PRKD1: variants seen among roughly 807,000 people sequenced by gnomAD.
PRKD1 encodes the protein protein kinase D1.
A neutral mutation model predicts 95.9 loss-of-function variants in PRKD1; 63 were observed. The ratio of observed to expected loss-of-function variants is 0.66; its 90% CI spans 0.54 to 0.81. The LOEUF (loss-of-function observed/expected upper bound fraction) is 0.81. Among genes scored for constraint, PRKD1 ranks in the 30% least tolerant of loss-of-function variants. The pLI is 0.00. For synonymous variants in PRKD1, 425 were observed against 423.1 expected (o/e 1.00, Z -0.05); for missense variants, 1,048 against 1,165.3 (o/e 0.90, Z 1.47).
chr14:29,826,700 CATATATACACATAT>C (rs1254307709), intron 1 of PRKD1, among the ~76,000 whole-genome samples: 2 of 28,738 alleles, frequency 7.0e-5, no homozygotes, highest in South Asian at 1.3e-3. Flanking sequence ...CATATATATA[CATATATACACATAT>C]ATATATACAT....
chr14:29,798,372 A>G (rs1455704236), intron 1 of PRKD1, among the ~76,000 whole-genome samples: 1 of 152,218 alleles, frequency 6.6e-6, no homozygotes, highest in Non-Finnish European at 1.5e-5. Context: ...GGCAATGTAT[A>G]CTTGCATCTG....
intron 1 of PRKD1, among the ~76,000 whole-genome samples, chr14:29,876,128 CAT>C (rs1404557287): frequency 6.6e-6 from 1 of 152,196 alleles, no homozygotes; most frequent in Non-Finnish European, 1.5e-5. Flanking sequence ...GAGGGAGAAA[CAT>C]ACTATATCTT....
At chr14:29,743,780 T>C (rs1887089917) in intron 1 of PRKD1, among the ~76,000 whole-genome samples, 1 of 152,208 alleles carries the variant, frequency 6.6e-6, no homozygotes. Context: ...GCCCTTCACA[T>C]TGCCAGCTTC....
chr14:29,692,887 A>C (rs1299596967), intron 2 of PRKD1, among the ~76,000 whole-genome samples: 3 of 152,206 alleles, frequency 2.0e-5, no homozygotes, highest in Non-Finnish European at 2.9e-5. Context: ...GTTGGCTAAT[A>C]TTGATTCATT....
intron 1 of PRKD1, among the ~76,000 whole-genome samples, chr14:29,743,513 A>C (rs1887076139): frequency 6.6e-6 from 1 of 152,312 alleles, no homozygotes; most frequent in Admixed American, 6.5e-5. Context: ...ATAGAACATA[A>C]AATTCACTAG....
intron 1 of PRKD1, among the ~76,000 whole-genome samples, chr14:29,759,220 TAAG>T (rs1445995989): frequency 2.6e-5 from 4 of 151,360 alleles, no homozygotes; most frequent in South Asian, 2.1e-4. Context: ...TGAGTGCTAG[TAAG>T]AAGAAGTATA....
chr14:29,764,921 T>C, intron 1 of PRKD1, among the ~76,000 whole-genome samples: 1 of 152,196 alleles, frequency 6.6e-6, no homozygotes, highest in Non-Finnish European at 1.5e-5. Flanking sequence ...TTAGGGGATC[T>C]AATAGGAGAT....
chr14:29,629,205 C>A, intron 10 of PRKD1, 112 bp from the exon 11 acceptor site: 1 of 758,406 alleles, frequency 1.3e-6, no homozygotes, highest in Non-Finnish European at 2.2e-6. Context: ...TTAACTAAAT[C>A]ATAGCAATTA....
intron 2 of PRKD1, among the ~76,000 whole-genome samples, chr14:29,690,560 T>G (rs139222302): frequency 6.6e-6 from 1 of 152,262 alleles, no homozygotes; most frequent in African/African-American, 2.4e-5. Context: ...TTACCTAAAT[T>G]TCTGCTTCAA....
chr14:29,654,049 T>TA (rs1195355135), intron 4 of PRKD1, among the ~76,000 whole-genome samples: 2 of 152,102 alleles, frequency 1.3e-5, no homozygotes, highest in African/African-American at 4.8e-5. Context: ...TCAGTAGAGT[T>TA]AAAAATGTAA....
Position 29,826,120 on chromosome 14 carries a change from G to C in PRKD1, c.265-100446C>G, listed in dbSNP as rs149829252. Among the ~76,000 whole-genome samples, 156 of 149,008 alleles carry C rather than the reference G, an allele frequency of 1.0e-3. 1 individual carries two copies. Among genetic ancestry groups the C allele is most frequent in the African/African-American group, 3.5e-3 (142 of 40,548 alleles). ...GAAACTGCGTGGTATGTGTGTGTGTGTCTCTCTCTATATATATATATGGAT... is the reference window on the plus strand; with the variant it reads ...GAAACTGCGTGGTATGTGTGTGTGTCTCTCTCTCTATATATATATATGGAT... On this transcript the variant is annotated intron_variant, in intron 1 of 17. Transcript: ENST00000331968.
intron 1 of PRKD1, among the ~76,000 whole-genome samples, chr14:29,791,064 G>A (rs189398046): frequency 6.6e-6 from 1 of 152,132 alleles, no homozygotes; most frequent in African/African-American, 2.4e-5. Flanking sequence ...AGACAGTAGG[G>A]GAAACTTCAA....
chr14:29,828,654 T>A (rs764585578), intron 1 of PRKD1, among the ~76,000 whole-genome samples: 151 of 152,172 alleles, frequency 9.9e-4, no homozygotes, highest in Admixed American at 2.0e-3. Flanking sequence ...ATAATACTGA[T>A]CTCAAGTGTT....
intron 16 of PRKD1, among the ~76,000 whole-genome samples, chr14:29,585,155 TG>T (rs1892876545): frequency 6.6e-6 from 1 of 152,210 alleles, no homozygotes; most frequent in African/African-American, 2.4e-5. Flanking sequence ...GATGGGAAGT[TG>T]TGTGTTTATT....
intron 1 of PRKD1, among the ~76,000 whole-genome samples, chr14:29,779,848 G>A (rs1888960095): frequency 6.6e-6 from 1 of 152,106 alleles, no homozygotes; most frequent in Admixed American, 6.5e-5. Context: ...TAAGCCAAAA[G>A]AACAAAGCTG....
chr14:29,604,246 T>C (rs2139027508), intron 13 of PRKD1, among the ~76,000 whole-genome samples: 2 of 152,290 alleles, frequency 1.3e-5, no homozygotes, highest in Middle Eastern at 6.8e-3. Flanking sequence ...TGCTTTATTG[T>C]AAATCTAGAG....
At chr14:29,886,575 A>G (rs1170406302) in intron 1 of PRKD1, among the ~76,000 whole-genome samples, 1 of 152,226 alleles carries the variant, frequency 6.6e-6, no homozygotes, top group Admixed American at 6.5e-5. Context: ...ACTTTCAACA[A>G]TCATATTTTG....
chr14:29,691,124 T>A (rs1392237619), intron 2 of PRKD1, among the ~76,000 whole-genome samples: 1 of 152,210 alleles, frequency 6.6e-6, no homozygotes, highest in Non-Finnish European at 1.5e-5. Flanking sequence ...AGTTCCAAAT[T>A]CAAATGCAGG....
intron 2 of PRKD1, among the ~76,000 whole-genome samples, chr14:29,701,202 T>A (rs1422728934): frequency 1.3e-5 from 2 of 152,202 alleles, no homozygotes; most frequent in Admixed American, 1.3e-4. Context: ...TCTTGAAGTA[T>A]GATTCTCAGA....
Sources: gnomAD v4.1 joint callset for allele counts (sites outside exome capture counted in the v4.1 genomes callset) on GRCh38, gnomAD v4.1.1 for gene constraint, MANE v1.5 for transcripts, NCBI Gene and HGNC (gene_info 2026-07-23, HGNC 2026-07-21) for gene names.